CRKL: variants seen among roughly 807,000 people sequenced by gnomAD.
CRKL encodes crk-like protein.
In CRKL, 3 loss-of-function variants were observed where a neutral mutation model predicts 23.0. The observed-to-expected ratio is 0.13, with a 90% CI of 0.06 to 0.34. The LOEUF is 0.34. Among genes scored for constraint, CRKL ranks in the 10% least tolerant of loss-of-function variants. The probability of loss-of-function intolerance (pLI) is 1.00; values close to 1 mark genes in which losing one functional copy is unlikely to be tolerated. For synonymous variants in CRKL, 188 were observed against 160.7 expected (o/e 1.17, Z -1.28); for missense variants, 256 against 394.5 (o/e 0.65, Z 2.97).
chr22:20,931,221 C>G (rs1184707581), intron 1 of CRKL, among the ~76,000 whole-genome samples: 2 of 152,062 alleles, frequency 1.3e-5, no homozygotes, highest in African/African-American at 4.8e-5. Context: ...GCCCTGAAAA[C>G]ATAGTGAGAC....
chr22:20,937,982 G>A (rs1362856153), intron 2 of CRKL, among the ~76,000 whole-genome samples: 1 of 152,090 alleles, frequency 6.6e-6, no homozygotes, highest in Non-Finnish European at 1.5e-5. Context: ...CGATTCTCAT[G>A]CCTCAGCCTC....
chr22:20,946,806 G>A (rs1922074801), intron 2 of CRKL, among the ~76,000 whole-genome samples: 1 of 152,048 alleles, frequency 6.6e-6, no homozygotes, highest in African/African-American at 2.4e-5. Flanking sequence ...CAGAGGAAGA[G>A]CACCACACCA....
intron 1 of CRKL, among the ~76,000 whole-genome samples, chr22:20,927,307 C>T (rs1458725485): frequency 7.0e-6 from 1 of 143,788 alleles, no homozygotes; most frequent in African/African-American, 2.6e-5. Flanking sequence ...TCTCCTGCCT[C>T]AGTCTCCTGA....
intron 2 of CRKL, among the ~76,000 whole-genome samples, chr22:20,935,338 C>T (rs1003442208): frequency 7.9e-5 from 12 of 151,876 alleles, no homozygotes; most frequent in Admixed American, 3.9e-4. Flanking sequence ...GTTTTGAACT[C>T]CTGACCTCAG....
intron 1 of CRKL, among the ~76,000 whole-genome samples, chr22:20,922,045 ACTCT>A (rs1921014934): frequency 9.6e-6 from 1 of 104,188 alleles, no homozygotes; most frequent in Non-Finnish European, 1.8e-5. Context: ...ATGACGTCTC[ACTCT>A]GTGGCCAGGC....
chr22:20,928,965 T>A (rs1921336324), intron 1 of CRKL, among the ~76,000 whole-genome samples: 2 of 152,140 alleles, frequency 1.3e-5, no homozygotes. Flanking sequence ...TGTGTATGGT[T>A]TATACATGTA....
Position 20,950,534 on chromosome 22 carries a change from C to T in CRKL, c.*689C>T. The T allele has an allele frequency of 4.4e-6, 1 of 225,762 alleles. No homozygotes were observed. Among genetic ancestry groups the T allele is most frequent in the Admixed American group, 5.7e-5 (1 of 17,524 alleles). 14.0% of individuals were successfully genotyped at this position (225,762 alleles called of 1,614,324 possible). ...GTTCAAGCGATTCTCCTGCCTCAGC[C>T]TCCCAAGTAGCTGGGACTGCAGGCG... On this transcript the variant is annotated 3_prime_UTR_variant, in exon 3 of 3. Coordinates refer to ENST00000354336, the MANE Select transcript of CRKL (RefSeq NM_005207.4).
At chr22:20,919,368 T>G (rs1476363328) in intron 1 of CRKL, among the ~76,000 whole-genome samples, 1 of 152,168 alleles carries the variant, frequency 6.6e-6, no homozygotes, top group Non-Finnish European at 1.5e-5. Flanking sequence ...TTAAGGAAAA[T>G]TTTTGAATGA....
chr22:20,921,833 C>T (rs1381713873), intron 1 of CRKL, among the ~76,000 whole-genome samples: 2 of 151,288 alleles, frequency 1.3e-5, no homozygotes, highest in East Asian at 1.9e-4. Flanking sequence ...CTCAGCCTCC[C>T]GAGTAGCTGG....
intron 2 of CRKL, among the ~76,000 whole-genome samples, chr22:20,944,969 A>G (rs1036043172): frequency 6.6e-5 from 10 of 151,672 alleles, no homozygotes; most frequent in South Asian, 4.2e-4. Flanking sequence ...TTCAGGCATG[A>G]GCTACCGTGC....
chr22:20,918,381 C>T (rs2147892341), intron 1 of CRKL, 136 bp downstream of exon 1: 2 of 1,008,124 alleles, frequency 2.0e-6, no homozygotes, highest in South Asian at 1.7e-5. Context: ...AGAAGGCCTT[C>T]CTAACAGAAA....
At position 20,953,436 on chromosome 22, in the gene CRKL, C is replaced by T. The variant is rs891128848; in HGVS notation, c.*3591C>T. ...ACTGTGTGTTTTAAAACAACAACAA[C>T]AACAACAACAACAACATAAAACTCT... On this transcript the variant is annotated 3_prime_UTR_variant, in exon 3 of 3. Transcript: ENST00000354336. The T allele has an allele frequency of 4.3e-6, 1 of 231,448 alleles. No individual in the cohort carries two copies. The highest frequency in any genetic ancestry group is 8.5e-6 in the Non-Finnish European group (1 of 117,004). 14.3% of individuals were successfully genotyped at this position (231,448 alleles called of 1,614,324 possible). A position where few individuals can be genotyped will look rare whatever the true frequency, so the allele number is the denominator to read the frequency against.
chr22:20,935,004 C>G (rs926729550), intron 2 of CRKL, among the ~76,000 whole-genome samples: 1 of 151,902 alleles, frequency 6.6e-6, no homozygotes, highest in African/African-American at 2.4e-5. Context: ...TCAGTAGAGA[C>G]AGGGTTTCAC....
chr22:20,943,204 T>A (rs1435106695), intron 2 of CRKL, among the ~76,000 whole-genome samples: 1 of 152,190 alleles, frequency 6.6e-6, no homozygotes, highest in African/African-American at 2.4e-5. Context: ...GCCCATTTTT[T>A]AATTGGGTTA....
chr22:20,930,171 C>G (rs902729160), intron 1 of CRKL, among the ~76,000 whole-genome samples: 1 of 151,982 alleles, frequency 6.6e-6, no homozygotes, highest in African/African-American at 2.4e-5. Flanking sequence ...ACAGACATAC[C>G]CCTCACCAGG....
rs893530993 is a variant in CRKL at position 20,953,190 on chromosome 22, G to C, written c.*3345G>C. On this transcript the variant is annotated 3_prime_UTR_variant, in exon 3 of 3. Transcript: ENST00000354336. ...ACCTCTTAAACATGAATGAATTCTT[G>C]ATTGTTTTAACACAGTACCTAAGAC... 8.6e-6 allele frequency: 2 copies of C among 231,488 alleles called. No homozygotes were observed. Among genetic ancestry groups the C allele is most frequent in the African/African-American group, 4.4e-5 (2 of 45,176 alleles). The allele number at this position is 231,488 out of a possible 1,614,324, so 14.3% of individuals were successfully genotyped here.
At position 20,948,364 on chromosome 22, in the gene CRKL, T is replaced by C. The variant is rs941133637; in HGVS notation, c.778-1347T>C. On this transcript the variant is annotated intron_variant, in intron 2 of 2. Coordinates refer to ENST00000354336, the MANE Select transcript of CRKL (RefSeq NM_005207.4). ...TGACAAGGTTGGAAATCCTCTGATA[T>C]ATACAGTGTTGTGCTTCTCAGTGCT... Among the ~76,000 whole-genome samples the C allele has an allele frequency of 2.0e-4, 30 of 152,262 alleles. 1 individual carries two copies. Among genetic ancestry groups the C allele is most frequent in the Non-Finnish European group, 3.8e-4 (26 of 68,024 alleles).
chr22:20,933,679 A>G, intron 1 of CRKL, 100 bp from the exon 2 acceptor site: 1 of 1,042,572 alleles, frequency 9.6e-7, no homozygotes, highest in Non-Finnish European at 1.4e-6. Flanking sequence ...TAAAAAAGGA[A>G]AATAATTTAT....
At chr22:20,945,338 C>A (rs1042666216) in intron 2 of CRKL, among the ~76,000 whole-genome samples, 1 of 152,146 alleles carries the variant, frequency 6.6e-6, no homozygotes, top group Admixed American at 6.6e-5. Flanking sequence ...TAAGACGCAA[C>A]TGATATCTAT....
Sources: gnomAD v4.1 joint callset for allele counts (sites outside exome capture counted in the v4.1 genomes callset) on GRCh38, gnomAD v4.1.1 for gene constraint, MANE v1.5 for transcripts, NCBI Gene and HGNC (gene_info 2026-07-23, HGNC 2026-07-21) for gene names.